The following TTC34 variants were observed in gnomAD, a reference collection of about 807,000 sequenced individuals.
TTC34 encodes the protein tetratricopeptide repeat protein 34.
A neutral mutation model predicts 40.7 loss-of-function variants in TTC34; 44 were observed. The ratio of observed to expected loss-of-function variants is 1.08; its 90% CI spans 0.85 to 1.39. TTC34 has a LOEUF of 1.39. TTC34 is among the 40% of genes most tolerant of loss of function. The pLI, the probability that TTC34 is intolerant of heterozygous loss-of-function variation, is 0.00. For synonymous variants in TTC34, 422 were observed against 398.6 expected (o/e 1.06, Z -0.70); for missense variants, 884 against 838.0 (o/e 1.05, Z -0.68).
Position 2,698,993 on chromosome 1 carries a change from C to G in TTC34, c.2227-53430G>C, listed in dbSNP as rs1458207903. On this transcript the variant is annotated intron_variant, in intron 6 of 8. Transcript: ENST00000401095. The stretch of plus-strand genomic sequence containing the variant: ...CCCCCCCAGGTGAGCATCTGACAGC[C>G]TGGAAAGGCACCCACACCACCAGGT... Among the ~76,000 whole-genome samples, 13 of 141,398 alleles carry G rather than the reference C, an allele frequency of 9.2e-5. 3 individuals carry two copies. The East Asian group carries it at 2.2e-3, about 24-fold the overall frequency. 92.8% of individuals were successfully genotyped at this position (141,398 alleles called of 152,430 possible).
intron 6 of TTC34, among the ~76,000 whole-genome samples, chr1:2,752,126 A>G (rs1188676769): frequency 0.012 from 1,252 of 107,178 alleles, 421 homozygotes; most frequent in African/African-American, 0.053. Context: ...AGCAACACCC[A>G]CGCCCCCAGG....
chr1:2,757,657 A>C (rs1355874392), intron 6 of TTC34, among the ~76,000 whole-genome samples: 19 of 128,020 alleles, frequency 1.5e-4, no homozygotes, highest in South Asian at 2.6e-4. Context: ...GACAGCCTGG[A>C]GCAGGACCCA....
rs1191607381 is a variant in TTC34, at chr1:2,799,610, C to T, written c.784+434G>A. Among the ~76,000 whole-genome samples, 5 of 152,254 alleles carry T rather than the reference C, an allele frequency of 3.3e-5. No individual in the cohort carries two copies. The South Asian group carries it at 8.3e-4, about 25-fold the overall frequency. On this transcript the variant is annotated intron_variant, in intron 2 of 8. Transcript: ENST00000401095. ...AGCCTCACAGACTGAGGGTAACATC[C>T]AAGGGCCTTGGGAGGCCAGGAGGAT...
chr1:2,686,616 C>CT, intron 6 of TTC34, among the ~76,000 whole-genome samples: 1 of 151,610 alleles, frequency 6.6e-6, no homozygotes, highest in East Asian at 1.9e-4. Flanking sequence ...AGGCGAGCAT[C>CT]TGACAGCATG....
At chr1:2,693,241 T>C (rs1640708534) in intron 6 of TTC34, among the ~76,000 whole-genome samples, 1 of 132,794 alleles carries the variant, frequency 7.5e-6, no homozygotes, top group Admixed American at 7.8e-5. Flanking sequence ...GGTGAGCATC[T>C]GACAGCCTGG....
chr1:2,755,580 C>T (rs1641476605), intron 6 of TTC34, among the ~76,000 whole-genome samples: 1 of 117,868 alleles, frequency 8.5e-6, no homozygotes, highest in African/African-American at 3.9e-5. Context: ...GCAGCACCCA[C>T]ACCTCCCGGC....
At chr1:2,696,839 ACCT>A in intron 6 of TTC34, among the ~76,000 whole-genome samples, 1 of 58,748 alleles carries the variant, frequency 1.7e-5, no homozygotes, top group Non-Finnish European at 3.9e-5. Flanking sequence ...CAGCACCCAC[ACCT>A]TCCGGCGAGC....
At chr1:2,755,083 C>G (rs1641461163) in intron 6 of TTC34, among the ~76,000 whole-genome samples, 9 of 65,318 alleles carry the variant, frequency 1.4e-4, no homozygotes, top group Admixed American at 2.8e-4. Flanking sequence ...ACGTGACAGC[C>G]TGGAACAGCA....
At chr1:2,683,754 C>G (rs574051986) in intron 6 of TTC34, among the ~76,000 whole-genome samples, 67 of 146,830 alleles carry the variant, frequency 4.6e-4, no homozygotes, top group African/African-American at 1.6e-3. Context: ...GCACCCACAC[C>G]CCCAGGTGAG....
intron 6 of TTC34, among the ~76,000 whole-genome samples, chr1:2,649,853 G>A (rs756551539): frequency 8.6e-5 from 13 of 152,034 alleles, no homozygotes; most frequent in Non-Finnish European, 1.8e-4. Context: ...ACACCCTCAG[G>A]TGAGCATCTG....
chr1:2,685,295 C>G (rs375012348), intron 6 of TTC34, among the ~76,000 whole-genome samples: 4,518 of 23,956 alleles, frequency 0.19, 2 homozygotes, highest in Middle Eastern at 0.27. Context: ...GTGAGCATCC[C>G]ACAGCCTGGA....
intron 6 of TTC34, among the ~76,000 whole-genome samples, chr1:2,656,657 C>A (rs1163275904): frequency 9.8e-5 from 1 of 10,184 alleles, no homozygotes; most frequent in Non-Finnish European, 2.4e-4. Flanking sequence ...AGCACCCACA[C>A]CCCCAGGCGA....
At chr1:2,648,005 G>GT (rs57209476) in intron 6 of TTC34, among the ~76,000 whole-genome samples, 4,459 of 145,146 alleles carry the variant, frequency 0.031, 159 homozygotes, top group African/African-American at 0.088. Flanking sequence ...GATTATTACT[G>GT]TTTTTTTTTT....
chr1:2,653,808 A>C (rs76971371), intron 6 of TTC34, among the ~76,000 whole-genome samples: 4 of 150,518 alleles, frequency 2.7e-5, no homozygotes, highest in Admixed American at 2.0e-4. Flanking sequence ...CAGTGCCCAC[A>C]CCCCCAGGTG....
At chr1:2,760,344 C>A (rs1460715591) in intron 6 of TTC34, among the ~76,000 whole-genome samples, 1 of 46,428 alleles carries the variant, frequency 2.2e-5, no homozygotes, top group Non-Finnish European at 3.4e-5. Context: ...CATCTGACAG[C>A]CTGGAACAGC....
chr1:2,688,440 G>C (rs1488664477), intron 6 of TTC34, among the ~76,000 whole-genome samples: 1 of 147,006 alleles, frequency 6.8e-6, no homozygotes, highest in African/African-American at 2.6e-5. Flanking sequence ...GCCTGGAGCA[G>C]GACCCACACC....
intron 6 of TTC34, among the ~76,000 whole-genome samples, chr1:2,750,538 T>C: frequency 7.2e-6 from 1 of 139,218 alleles, no homozygotes; most frequent in South Asian, 2.5e-4. Context: ...CAAGCGAGCA[T>C]CCGACAGCCT....
At chr1:2,686,061 G>A (rs1315227987) in intron 6 of TTC34, among the ~76,000 whole-genome samples, 1 of 116,092 alleles carries the variant, frequency 8.6e-6, no homozygotes, top group Non-Finnish European at 1.7e-5. Flanking sequence ...GCATCCGACA[G>A]CCTGGAGAAG....
At chr1:2,692,381 C>T (rs1414021303) in intron 6 of TTC34, among the ~76,000 whole-genome samples, 1 of 88,782 alleles carries the variant, frequency 1.1e-5, no homozygotes, top group East Asian at 2.7e-4. Context: ...GCAGCGTCCA[C>T]ACCCCCAGGT....
Sources: gnomAD v4.1 joint callset for allele counts (sites outside exome capture counted in the v4.1 genomes callset) on GRCh38, gnomAD v4.1.1 for gene constraint, MANE v1.5 for transcripts, NCBI Gene and HGNC (gene_info 2026-07-23, HGNC 2026-07-21) for gene names.